FBXO11: variants seen among roughly 807,000 people sequenced by gnomAD.
The protein encoded by FBXO11 is F-box protein 11, also known as F-box only protein 11.
A neutral mutation model predicts 117.0 loss-of-function variants in FBXO11; 13 were observed. The observed-to-expected ratio is 0.11, with a 90% CI of 0.07 to 0.18. The LOEUF (loss-of-function observed/expected upper bound fraction) is 0.18. FBXO11 is among the 10% of genes least tolerant of loss of function. The pLI, the probability that FBXO11 is intolerant of heterozygous loss-of-function variation, is 1.00. For missense variants in FBXO11, 767 were observed against 1,164.4 expected (o/e 0.66, Z 4.97); for synonymous variants, 490 against 380.5 (o/e 1.29, Z -3.35).
intron 13 of FBXO11, among the ~76,000 whole-genome samples, chr2:47,821,887 TTC>T: frequency 6.6e-6 from 1 of 151,640 alleles, no homozygotes; most frequent in African/African-American, 2.4e-5. Flanking sequence ...AGGCCAGGAG[TTC>T]AAGACCAGCC....
At chr2:47,825,038 G>A (rs1671646916) in intron 11 of FBXO11, among the ~76,000 whole-genome samples, 1 of 151,994 alleles carries the variant, frequency 6.6e-6, no homozygotes, top group African/African-American at 2.4e-5. Context: ...CTAACTTCTG[G>A]AGCATGTATG....
chr2:47,852,153 CT>C (rs1198734775), intron 1 of FBXO11, among the ~76,000 whole-genome samples: 5 of 152,124 alleles, frequency 3.3e-5, no homozygotes, highest in Admixed American at 3.3e-4. Flanking sequence ...CCACACCCGG[CT>C]AATTTTTGTA....
intron 1 of FBXO11, among the ~76,000 whole-genome samples, chr2:47,894,917 G>A (rs1228311969): frequency 1.3e-5 from 2 of 152,092 alleles, no homozygotes; most frequent in Non-Finnish European, 2.9e-5. Context: ...GGTTAACACT[G>A]TAAGCCTCAA....
chr2:47,813,385 T>A lies in FBXO11; in HGVS notation c.2084-8A>T, dbSNP rs1462196302. ...CTTCTATACAGCCTAGACCTATAAA[T>A]GCAAAAATGTAGGTTATCTAGAAGG... is the stretch of plus-strand genomic sequence containing the variant. On this transcript the variant is annotated splice_region_variant and splice_polypyrimidine_tract_variant and intron_variant, in intron 17 of 22. Coordinates refer to ENST00000403359, the MANE Select transcript of FBXO11 (RefSeq NM_001190274.2). The A allele has an allele frequency of 6.5e-7, 1 of 1,533,254 alleles. No individual in the cohort carries two copies. The highest frequency in any genetic ancestry group is 1.2e-5 in the South Asian group (1 of 81,388). 95.0% of individuals were successfully genotyped at this position (1,533,254 alleles called of 1,614,324 possible). A position where few individuals can be genotyped will look rare whatever the true frequency, so the allele number is the denominator to read the frequency against.
chr2:47,873,744 T>A (rs532952951), intron 1 of FBXO11, among the ~76,000 whole-genome samples: 1 of 152,224 alleles, frequency 6.6e-6, no homozygotes, highest in Non-Finnish European at 1.5e-5. Flanking sequence ...CTCTTACCCT[T>A]TTCTCTGTTC....
rs768061728 is a variant in FBXO11, at chr2:47,806,969, C to A, written c.*1149G>T. Reference sequence around the variant, plus strand: ...TTAAAAATGACCATTTTTCCATTTTCTTTCTAGGAAATTAAACCCTTTTAA... The same window carrying A: ...TTAAAAATGACCATTTTTCCATTTTATTTCTAGGAAATTAAACCCTTTTAA... On this transcript the variant is annotated 3_prime_UTR_variant, in exon 23 of 23. Coordinates refer to ENST00000403359, the MANE Select transcript of FBXO11 (RefSeq NM_001190274.2). 2.8e-5 allele frequency: 25 copies of A among 878,548 alleles called. No individual in the cohort carries two copies. The East Asian group carries it at 4.7e-4, about 16-fold the overall frequency. 54.4% of individuals were successfully genotyped at this position (878,548 alleles called of 1,614,324 possible). A position where few individuals can be genotyped will look rare whatever the true frequency, so the allele number is the denominator to read the frequency against.
chr2:47,816,158 G>A (rs1366959531), intron 16 of FBXO11, among the ~76,000 whole-genome samples: 1 of 152,130 alleles, frequency 6.6e-6, no homozygotes, highest in Admixed American at 6.5e-5. Flanking sequence ...ATTTGGCTCA[G>A]GGCATAACTG....
chr2:47,884,545 C>G (rs1426744371), intron 1 of FBXO11, among the ~76,000 whole-genome samples: 2 of 152,140 alleles, frequency 1.3e-5, no homozygotes, highest in East Asian at 1.9e-4. Flanking sequence ...TTTATGATTT[C>G]TAGAGAAGAT....
intron 1 of FBXO11, among the ~76,000 whole-genome samples, chr2:47,867,542 T>C (rs1675286895): frequency 6.6e-6 from 1 of 152,220 alleles, no homozygotes; most frequent in Admixed American, 6.5e-5. Flanking sequence ...AAATGATTAC[T>C]GTAAGTCCCA....
intron 11 of FBXO11, among the ~76,000 whole-genome samples, 187 bp from the exon 12 acceptor site, chr2:47,823,547 A>G (rs112165001): frequency 0.13 from 19,968 of 152,084 alleles, 1,542 homozygotes; most frequent in Non-Finnish European, 0.18. Flanking sequence ...CCTGAGGTCA[A>G]GAGGAGACCA....
chr2:47,821,653 C>T (rs983347447), intron 13 of FBXO11, among the ~76,000 whole-genome samples: 1 of 150,888 alleles, frequency 6.6e-6, no homozygotes. Context: ...GGCATGGTAG[C>T]ATGCACCTGT....
chr2:47,836,046 T>C, intron 4 of FBXO11, 45 bp from the exon 5 acceptor site: 6 of 1,436,986 alleles, frequency 4.2e-6, no homozygotes, highest in Middle Eastern at 2.2e-4. Flanking sequence ...AAATGTCCTT[T>C]AGATTAATAC....
intron 18 of FBXO11, 59 bp downstream of exon 18, chr2:47,813,175 A>C (rs375801385): frequency 1.3e-6 from 2 of 1,498,150 alleles, no homozygotes; most frequent in Non-Finnish European, 1.9e-6. Context: ...TGATCATTAA[A>C]GATATGGAAG....
rs556827545 is a variant in FBXO11, at chr2:47,841,197, C to CA, written c.233-1429dup. On this transcript the variant is annotated intron_variant, in intron 1 of 22. Transcript: ENST00000403359. ...TGGGCAACAGAGCAAGACTCCGTCTCAAAAAAAAACCAAAAACCAAAAAAC... is the reference window on the plus strand; with the variant it reads ...TGGGCAACAGAGCAAGACTCCGTCTCAAAAAAAAAACCAAAAACCAAAAAAC... 5.0e-4 allele frequency among the ~76,000 whole-genome samples: 75 copies of CA among 150,100 alleles called. No homozygotes were observed. The East Asian group carries it at 6.7e-3, about 13-fold the overall frequency.
intron 18 of FBXO11, among the ~76,000 whole-genome samples, chr2:47,812,524 A>G (rs1553336151): frequency 6.6e-6 from 1 of 152,208 alleles, no homozygotes; most frequent in Non-Finnish European, 1.5e-5. Context: ...CTGAATTACT[A>G]GATTATAAGC....
chr2:47,813,737 A>G, intron 17 of FBXO11, 54 bp downstream of exon 17: 1 of 1,450,910 alleles, frequency 6.9e-7, no homozygotes, highest in East Asian at 2.3e-5. Flanking sequence ...CCGGCCTAGA[A>G]GGTGTATTTC....
At chr2:47,813,701 G>A (rs1670796488) in intron 17 of FBXO11, 90 bp downstream of exon 17, 2 of 1,070,078 alleles carry the variant, frequency 1.9e-6, no homozygotes, top group South Asian at 2.7e-5. Flanking sequence ...CCAAAGTGCT[G>A]GGATTACAGG....
At chr2:47,842,066 A>G (rs1250450595) in intron 1 of FBXO11, among the ~76,000 whole-genome samples, 3 of 150,406 alleles carry the variant, frequency 2.0e-5, no homozygotes, top group Non-Finnish European at 1.5e-5. Context: ...CCCAGGCTGG[A>G]GTGCAGTTGC....
At chr2:47,883,363 C>A in intron 1 of FBXO11, 1 of 228,222 alleles carries the variant, frequency 4.4e-6, no homozygotes, top group Non-Finnish European at 9.0e-6. Flanking sequence ...TCTTCTGCTG[C>A]CCTGCGACCA....
Sources: allele counts gnomAD v4.1 joint callset (sites outside exome capture counted in the v4.1 genomes callset), GRCh38; gene constraint gnomAD v4.1.1; transcripts MANE v1.5; gene names NCBI Gene and HGNC (gene_info 2026-07-23, HGNC 2026-07-21).